The following GCN1 variants were observed in gnomAD, a reference collection of about 807,000 sequenced individuals.
GCN1 encodes the protein stalled ribosome sensor GCN1.
Under a neutral mutation model 288.4 loss-of-function variants are expected in GCN1, and 90 were observed. The observed-to-expected ratio is 0.31, with a 90% CI of 0.26 to 0.37. The LOEUF (loss-of-function observed/expected upper bound fraction) is 0.37. Ranked by LOEUF, GCN1 falls within the 10% of genes least tolerant of loss-of-function variation. GCN1 has a pLI of 1.00. For synonymous variants in GCN1, 1,386 were observed against 1,420.2 expected, an observed-to-expected ratio of 0.98 and a Z score of 0.54; for missense variants, 2,586 against 3,419.9, an observed-to-expected ratio of 0.76 and a Z score of 6.08.
chr12:120,136,145 C>G (rs1475674218), intron 51 of GCN1, among the ~76,000 whole-genome samples: 2 of 152,302 alleles, frequency 1.3e-5, no homozygotes, highest in East Asian at 3.9e-4. Context: ...AAAATAATAG[C>G]ATTTCACATG....
At chr12:120,168,406 T>G (rs1285069961) in intron 15 of GCN1, 106 bp from the exon 16 acceptor site, 1 of 746,154 alleles carries the variant, frequency 1.3e-6, no homozygotes, top group Non-Finnish European at 2.4e-6. Flanking sequence ...CAAACCCTCC[T>G]CTGCAGCAGG....
rs1227901478 is a variant in GCN1, at chr12:120,144,602, T to A, written c.5352+37A>T. 2 of 1,589,464 alleles carry A rather than the reference T, an allele frequency of 1.3e-6. No individual in the cohort carries two copies. The highest frequency in any genetic ancestry group is 8.6e-7 in the Non-Finnish European group (1 of 1,158,862). ...GGTGAGCACTTGCCTCCTGCCCTCC[T>A]CAAGGACTCTACCCTTGCCAAGGTC... On this transcript the variant is annotated intron_variant, in intron 41 of 57. Coordinates refer to ENST00000300648, the MANE Select transcript of GCN1 (RefSeq NM_006836.2). The surrounding 1 kb of genome is among the most constrained non-coding windows in gnomAD (Gnocchi z 4.7).
intron 5 of GCN1, among the ~76,000 whole-genome samples, chr12:120,180,551 G>A (rs1261720827): frequency 6.6e-6 from 1 of 151,918 alleles, no homozygotes; most frequent in African/African-American, 2.4e-5. Context: ...TTTGCAGTGA[G>A]ACGAGATAGC....
In GCN1 at chr12:120,144,734, G is replaced by T; in HGVS notation, c.5257C>A (p.Arg1753=). ...ASKVDIAPHV[R]DGYIMMFNYL... ...TTAAACATCATAATGTAGCCATCTC[G>T]GACATGGGGTGCAATGTCCACTTTG... Residue 1753 remains arginine, a synonymous_variant, in exon 41 of 58, where the codon CGA becomes AGA. Transcript: ENST00000300648. This position sits in a 1 kb window ranked among gnomAD's most constrained non-coding sequence, Gnocchi z 4.7. The T allele has an allele frequency of 6.2e-7, 1 of 1,613,902 alleles. No individual in the cohort carries two copies.
rs186808873 is a variant in GCN1, at chr12:120,192,524, G to A, written c.19-2124C>T. On this transcript the variant is annotated intron_variant, in intron 1 of 57. Transcript: ENST00000300648. The stretch of plus-strand genomic sequence containing the variant: ...AGGCAGATCACAAGGTCAGGAGATC[G>A]AGACCATCCTGGCCAACATGGTGAA... 8.6e-3 allele frequency among the ~76,000 whole-genome samples: 1,294 copies of A among 149,632 alleles called. 13 individuals are homozygous for A. Among genetic ancestry groups the A allele is most frequent in the African/African-American group, 0.03 (1,214 of 40,628 alleles).
At chr12:120,169,367 T>G (rs1206703222) in intron 15 of GCN1, among the ~76,000 whole-genome samples, 2 of 148,386 alleles carry the variant, frequency 1.3e-5, no homozygotes, top group Non-Finnish European at 3.0e-5. Flanking sequence ...CTCTTTCTGA[T>G]GTACTGATTT....
In GCN1 at chr12:120,151,253, G is replaced by A; in HGVS notation, c.4201C>T (p.Leu1401=). ...YAERKGAAYG[L]AGLVKGLGIL... ...CCCAGGCCCTTCACCAGGCCCGCCA[G>A]GCCATAGGCGGCCCCTTTGCGCTCT... Residue 1401 remains leucine (L), a synonymous_variant, in exon 34 of 58, where the codon CTG becomes TTG. Coordinates refer to ENST00000300648, the MANE Select transcript of GCN1 (RefSeq NM_006836.2). 6 of 1,614,200 alleles carry A rather than the reference G, an allele frequency of 3.7e-6. No individual in the cohort carries two copies. The highest frequency in any genetic ancestry group is 4.2e-6 in the Non-Finnish European group (5 of 1,180,020).
chr12:120,149,104 G>GC (rs916565210), intron 36 of GCN1, among the ~76,000 whole-genome samples: 15 of 151,804 alleles, frequency 9.9e-5, no homozygotes, highest in African/African-American at 3.6e-4. Context: ...TCCTGGGGGG[G>GC]GAAAACTTTA....
chr12:120,187,404 C>T (rs1369444005), intron 2 of GCN1, among the ~76,000 whole-genome samples: 2 of 151,842 alleles, frequency 1.3e-5, no homozygotes, highest in Admixed American at 6.6e-5. Context: ...TTAGTTGACA[C>T]GGGGTTTCAC....
Position 120,145,039 on chromosome 12 carries a change from G to A in GCN1, c.5039C>T (p.Ala1680Val). ...VPEVRTVSAKALGAMVKGMGE... is the reference protein window; with the variant it reads ...VPEVRTVSAKVLGAMVKGMGE... ...CATGCCCTTCACCATGGCCCCAAGGGCCTTTGCAGATACGGTCCGCACCTG... is the reference window on the plus strand; with the variant it reads ...CATGCCCTTCACCATGGCCCCAAGGACCTTTGCAGATACGGTCCGCACCTG... The change falls in exon 40 of 58, where the codon GCC becomes GTC. Residue 1680 changes from alanine (A) to valine (V), a missense_variant. Around this residue, in one of 8 missense-constraint regions of GCN1, gnomAD observed 371 missense variants for 572.6 expected, o/e 0.65. Coordinates refer to ENST00000300648, the MANE Select transcript of GCN1 (RefSeq NM_006836.2). 6.2e-7 allele frequency: 1 copy of A among 1,614,014 alleles called. No homozygotes were observed.
At chr12:120,151,004 C>G (rs4417367) in intron 34 of GCN1, 141 bp downstream of exon 34, 2 of 876,732 alleles carry the variant, frequency 2.3e-6, no homozygotes, top group Admixed American at 4.7e-5. Context: ...CGCAGCTGGA[C>G]TGGGTCGCAC....
intron 14 of GCN1, among the ~76,000 whole-genome samples, chr12:120,172,358 T>C (rs1037845367): frequency 2.6e-5 from 4 of 152,240 alleles, no homozygotes; most frequent in Admixed American, 1.3e-4. Flanking sequence ...CAGAAAAAGA[T>C]ATATTGCTTT....
Position 120,137,587 on chromosome 12 carries a change from C to T in GCN1, c.6621G>A (p.Val2207=), listed in dbSNP as rs369635680. The T allele has an allele frequency of 8.7e-6, 14 of 1,614,022 alleles. No individual in the cohort carries two copies. In the East Asian group the frequency reaches 1.1e-4, roughly 13 times the overall value. Residue 2207 remains valine, a synonymous_variant, in exon 49 of 58, where the codon GTG becomes GTA. Transcript: ENST00000300648. This position sits in a 1 kb window ranked among gnomAD's most constrained non-coding sequence, Gnocchi z 5.2. The part of the protein sequence containing the change: ...LIRLFNDSSP[V]VLEESWDALN... ...GGGCATCCCAGCTCTCCTCCAGAAC[C>T]ACAGGGCTGGAGTCATTGAAGAGGC...
chr12:120,145,494 C>A (rs1185320795), intron 38 of GCN1, among the ~76,000 whole-genome samples, 164 bp from the exon 39 acceptor site: 6 of 152,140 alleles, frequency 3.9e-5, no homozygotes, highest in African/African-American at 7.2e-5. Flanking sequence ...GCAAGTAAGT[C>A]CCCTCTCCGA....
In GCN1 at chr12:120,153,573, A is replaced by C. The variant is rs1329927719; in HGVS notation, c.3868-166T>G. 6.6e-6 allele frequency among the ~76,000 whole-genome samples: 1 copy of C among 152,182 alleles called. No individual in the cohort carries two copies. The highest frequency in any genetic ancestry group is 1.9e-4 in the East Asian group (1 of 5,198). Reference sequence around the variant, plus strand: ...TCTGGCAGGACTGCCACAGACTTAAAAGAATTTAACACACTATCATGGTCT... The same window carrying C: ...TCTGGCAGGACTGCCACAGACTTAACAGAATTTAACACACTATCATGGTCT... On this transcript the variant is annotated intron_variant, in intron 32 of 57. Coordinates refer to ENST00000300648, the MANE Select transcript of GCN1 (RefSeq NM_006836.2). The surrounding 1 kb of genome is among the most constrained non-coding windows in gnomAD (Gnocchi z 4.4).
chr12:120,147,743 A>C (rs777379678), intron 37 of GCN1, among the ~76,000 whole-genome samples: 5 of 152,194 alleles, frequency 3.3e-5, no homozygotes, highest in Non-Finnish European at 7.3e-5. Flanking sequence ...AACAAGTGAC[A>C]TGCTGGTCAA....
In GCN1 at chr12:120,155,557, T is replaced by G. The variant is rs1010034168; in HGVS notation, c.3440+35A>C. ...AGTTATTTCCTAAAGGAAGAGAGGA[T>G]GCAGCAGGAGAAAGCGACATGCTGG... On this transcript the variant is annotated intron_variant, in intron 29 of 57. Transcript: ENST00000300648. The surrounding 1 kb of genome is among the most constrained non-coding windows in gnomAD (Gnocchi z 4.9). The G allele has an allele frequency of 1.9e-6, 3 of 1,613,184 alleles. No individual in the cohort carries two copies. Among genetic ancestry groups the G allele is most frequent in the Non-Finnish European group, 1.7e-6 (2 of 1,179,218 alleles).
chr12:120,183,925 G>A (rs1878744008), intron 4 of GCN1, among the ~76,000 whole-genome samples, 187 bp downstream of exon 4: 1 of 152,208 alleles, frequency 6.6e-6, no homozygotes, highest in Admixed American at 6.5e-5. Flanking sequence ...TTAGGGGCCT[G>A]GTGGGCAACT....
Position 120,153,256 on chromosome 12 carries a change from A to G in GCN1, c.4019T>C (p.Ile1340Thr). The G allele has an allele frequency of 1.2e-6, 2 of 1,614,200 alleles. No individual in the cohort carries two copies. The highest frequency in any genetic ancestry group is 1.3e-5 in the African/African-American group (1 of 75,038). ...GAGGGCAGCGATGAGCTTGGCAACA[A>G]TGGGCTTCACTTTGGGGTCACTCTT... ...LDKSDPKVKPIVAKLIAALST... is the reference protein window; with the variant it reads ...LDKSDPKVKPTVAKLIAALST... The change falls in exon 33 of 58, where the codon ATT becomes ACT. Residue 1340 changes from isoleucine (I) to threonine (T), a missense_variant. This residue lies in a region of GCN1 where 332 missense variants were observed against 403.0 expected (regional missense o/e 0.82). Coordinates refer to ENST00000300648, the MANE Select transcript of GCN1 (RefSeq NM_006836.2). This position sits in a 1 kb window ranked among gnomAD's most constrained non-coding sequence, Gnocchi z 4.4.
Sources: gnomAD v4.1 joint callset for allele counts (sites outside exome capture counted in the v4.1 genomes callset) on GRCh38, gnomAD v4.1.1 for gene constraint, gnomAD v4.1.1 regional missense constraint, Gnocchi (gnomAD v3.1) non-coding constraint, MANE v1.5 for transcripts, NCBI Gene and HGNC (gene_info 2026-07-23, HGNC 2026-07-21) for gene names.